SSBP3: variants seen among roughly 807,000 people sequenced by gnomAD.
SSBP3 encodes the protein single stranded DNA binding protein 3.
Under a neutral mutation model 69.6 loss-of-function variants are expected in SSBP3, and 5 were observed. That is an observed-to-expected ratio of 0.07 (90% CI 0.04 to 0.15). SSBP3 has a LOEUF of 0.15. Among genes scored for constraint, SSBP3 ranks in the 10% least tolerant of loss-of-function variants. The probability of loss-of-function intolerance (pLI) is 1.00; values close to 1 mark genes in which losing one functional copy is unlikely to be tolerated. For missense variants in SSBP3, 312 were observed against 534.0 expected, an observed-to-expected ratio of 0.58 and a Z score of 4.10; for synonymous variants, 196 against 193.4, an observed-to-expected ratio of 1.01 and a Z score of -0.11.
At chr1:54,243,966 G>A (rs762512284) in intron 9 of SSBP3, among the ~76,000 whole-genome samples, 1 of 152,136 alleles carries the variant, frequency 6.6e-6, no homozygotes, top group African/African-American at 2.4e-5. Flanking sequence ...GTCTTGCTCT[G>A]TTGCCTAGGC....
At chr1:54,295,256 A>G (rs985528855) in intron 4 of SSBP3, among the ~76,000 whole-genome samples, 28 of 152,242 alleles carry the variant, frequency 1.8e-4, no homozygotes, top group Admixed American at 1.6e-3. Flanking sequence ...CGTCCTGGGA[A>G]TGGCTCCAGC....
At chr1:54,275,955 G>A (rs181534958) in intron 5 of SSBP3, among the ~76,000 whole-genome samples, 1 of 152,098 alleles carries the variant, frequency 6.6e-6, no homozygotes, top group African/African-American at 2.4e-5. Flanking sequence ...TTATTGTCTG[G>A]GTCATATCTC....
intron 5 of SSBP3, among the ~76,000 whole-genome samples, chr1:54,275,632 G>A (rs1040511456): frequency 5.3e-5 from 8 of 152,186 alleles, no homozygotes; most frequent in African/African-American, 1.9e-4. Context: ...GCTCTCCACT[G>A]GGCATCCTGC....
intron 5 of SSBP3, among the ~76,000 whole-genome samples, chr1:54,276,335 G>A (rs375217481): frequency 1.2e-4 from 18 of 152,074 alleles, no homozygotes; most frequent in Non-Finnish European, 2.2e-4. Flanking sequence ...CTTCCTGGCC[G>A]GGCGTGGTGG....
chr1:54,368,542 T>C (rs1647066913), intron 4 of SSBP3, among the ~76,000 whole-genome samples: 1 of 151,928 alleles, frequency 6.6e-6, no homozygotes, highest in South Asian at 2.1e-4. Flanking sequence ...TCTGAAACCA[T>C]TTTAGGATTA....
chr1:54,290,610 G>GGGAA (rs1394185150), intron 4 of SSBP3, among the ~76,000 whole-genome samples: 8 of 152,208 alleles, frequency 5.3e-5, no homozygotes, highest in African/African-American at 1.9e-4. Flanking sequence ...GGAAGCACCC[G>GGGAA]GCTTCTTCTG....
At chr1:54,315,953 C>T (rs2100324352) in intron 4 of SSBP3, among the ~76,000 whole-genome samples, 1 of 152,294 alleles carries the variant, frequency 6.6e-6, no homozygotes, top group South Asian at 2.1e-4. Flanking sequence ...TGAGCCATTG[C>T]ACCTGGCCAA....
At chr1:54,282,968 G>A (rs1645423543) in intron 4 of SSBP3, among the ~76,000 whole-genome samples, 1 of 152,196 alleles carries the variant, frequency 6.6e-6, no homozygotes, top group Admixed American at 6.5e-5. Context: ...TTCATTGGCA[G>A]TAAAATAGGA....
intron 5 of SSBP3, among the ~76,000 whole-genome samples, chr1:54,268,336 C>T (rs191113972): frequency 2.6e-3 from 400 of 152,372 alleles, no homozygotes; most frequent in Non-Finnish European, 4.2e-3. Flanking sequence ...GCTCAGGCTC[C>T]ACTGTTAATC....
At chr1:54,372,252 T>C (rs1055607520) in intron 4 of SSBP3, among the ~76,000 whole-genome samples, 1 of 152,220 alleles carries the variant, frequency 6.6e-6, no homozygotes, top group African/African-American at 2.4e-5. Flanking sequence ...AGGATTAAAC[T>C]ACCTCATGTT....
chr1:54,321,806 G>A (rs1336435289), intron 4 of SSBP3, among the ~76,000 whole-genome samples: 2 of 152,180 alleles, frequency 1.3e-5, no homozygotes, highest in Non-Finnish European at 2.9e-5. Flanking sequence ...AGCTGAAGTC[G>A]ACCAGGCTCA....
At chr1:54,335,397 T>C (rs989214938) in intron 4 of SSBP3, among the ~76,000 whole-genome samples, 4 of 152,058 alleles carry the variant, frequency 2.6e-5, no homozygotes, top group African/African-American at 7.2e-5. Context: ...TGTGCATAAG[T>C]GTGCAAAGAA....
chr1:54,351,026 C>T (rs11576586), intron 4 of SSBP3, among the ~76,000 whole-genome samples: 1 of 152,098 alleles, frequency 6.6e-6, no homozygotes, highest in South Asian at 2.1e-4. Flanking sequence ...GGGGGTCTCG[C>T]TATGTTGCCC....
At chr1:54,334,401 G>A (rs1160379948) in intron 4 of SSBP3, among the ~76,000 whole-genome samples, 1 of 151,994 alleles carries the variant, frequency 6.6e-6, no homozygotes, top group Non-Finnish European at 1.5e-5. Context: ...TAAAATACAA[G>A]TCAGATGTTA....
chr1:54,328,614 T>G (rs1011352737), intron 4 of SSBP3, among the ~76,000 whole-genome samples: 1 of 152,184 alleles, frequency 6.6e-6, no homozygotes, highest in Non-Finnish European at 1.5e-5. Context: ...TGTTTTGACA[T>G]CTTCACTCAC....
In SSBP3 at chr1:54,371,060, G is replaced by A. The variant is rs561889752; in HGVS notation, c.276+30801C>T. Among the ~76,000 whole-genome samples the A allele has an allele frequency of 2.0e-5, 3 of 152,288 alleles. No individual in the cohort carries two copies. The East Asian group carries it at 5.8e-4, about 29-fold the overall frequency. On this transcript the variant is annotated intron_variant, in intron 4 of 17. Coordinates refer to ENST00000610401, the Ensembl canonical transcript of SSBP3. ...CGGCTGGATGGGAGAGGAGCAACAA[G>A]ACTGCTGCCAGAAGACCACCCAAGG... is the stretch of plus-strand genomic sequence containing the variant.
intron 4 of SSBP3, among the ~76,000 whole-genome samples, chr1:54,342,672 T>TAGCA (rs1646629381): frequency 6.6e-6 from 1 of 152,234 alleles, no homozygotes; most frequent in African/African-American, 2.4e-5. Context: ...CTCAGCCTCT[T>TAGCA]AGCAGCCTTG....
At chr1:54,339,450 C>G (rs942323488) in intron 4 of SSBP3, among the ~76,000 whole-genome samples, 4 of 152,118 alleles carry the variant, frequency 2.6e-5, no homozygotes, top group African/African-American at 9.7e-5. Flanking sequence ...GGCCTTGGGC[C>G]TCAGTTTCAT....
At chr1:54,259,432 G>A (rs1415692715) in intron 5 of SSBP3, among the ~76,000 whole-genome samples, 2 of 152,168 alleles carry the variant, frequency 1.3e-5, no homozygotes, top group Non-Finnish European at 2.9e-5. Context: ...GTCAGTAAGC[G>A]CGGAGGGCTG....
Sources: gnomAD v4.1 joint callset for allele counts (sites outside exome capture counted in the v4.1 genomes callset) on GRCh38, gnomAD v4.1.1 for gene constraint, MANE v1.5 for transcripts, NCBI Gene and HGNC (gene_info 2026-07-23, HGNC 2026-07-21) for gene names.